Variants in EPHA5 observed in about 807,000 individuals in gnomAD.
EPHA5 encodes the protein EPH receptor A5.
A neutral mutation model predicts 105.0 loss-of-function variants in EPHA5; 60 were observed. The observed-to-expected ratio is 0.57, with a 90% CI of 0.46 to 0.71. The LOEUF (loss-of-function observed/expected upper bound fraction) is 0.71. EPHA5 is among the 30% of genes least tolerant of loss of function. The pLI, the probability that EPHA5 is intolerant of heterozygous loss-of-function variation, is 0.00. For missense variants in EPHA5, 1,218 were observed against 1,274.7 expected, an observed-to-expected ratio of 0.96 and a Z score of 0.68; for synonymous variants, 513 against 449.1, an observed-to-expected ratio of 1.14 and a Z score of -1.80.
At chr4:65,495,952 G>A (rs1302573674) in intron 3 of EPHA5, among the ~76,000 whole-genome samples, 1 of 152,090 alleles carries the variant, frequency 6.6e-6, no homozygotes, top group African/African-American at 2.4e-5. Flanking sequence ...ATACAAAGTA[G>A]GCACTCAAAA....
At chr4:65,467,990 C>T (rs1241346992) in intron 5 of EPHA5, among the ~76,000 whole-genome samples, 1 of 152,124 alleles carries the variant, frequency 6.6e-6, no homozygotes, top group Non-Finnish European at 1.5e-5. Context: ...GAATTATGCC[C>T]TAGAACCTCC....
chr4:65,516,445 G>C (rs1734111502), intron 3 of EPHA5, among the ~76,000 whole-genome samples: 2 of 150,700 alleles, frequency 1.3e-5, no homozygotes, highest in Admixed American at 1.3e-4. Context: ...AGGAAGAGGA[G>C]AATGTTGCCT....
rs11346784 is a variant in EPHA5, at chr4:65,411,231, T to TA, written c.1687+3052dup. Among the ~76,000 whole-genome samples, 254 of 151,238 alleles carry TA rather than the reference T, an allele frequency of 1.7e-3. 2 individuals carry two copies. The highest frequency in any genetic ancestry group is 6.0e-3 in the African/African-American group (246 of 41,308). Reference sequence around the variant, plus strand: ...AAATCTTCATATTAAATAGTTTTTCTAAAAAAAAAGTTTTGCGTTTCCTGT... The same window carrying TA: ...AAATCTTCATATTAAATAGTTTTTCTAAAAAAAAAAGTTTTGCGTTTCCTGT... On this transcript the variant is annotated intron_variant, in intron 7 of 16. Transcript: ENST00000613740.
At chr4:65,458,601 T>A (rs1035730370) in intron 5 of EPHA5, among the ~76,000 whole-genome samples, 5 of 152,150 alleles carry the variant, frequency 3.3e-5, no homozygotes, top group Non-Finnish European at 7.4e-5. Context: ...ATAAACCTAC[T>A]TTTAACTTTA....
intron 2 of EPHA5, among the ~76,000 whole-genome samples, chr4:65,628,435 A>C (rs1560792761): frequency 6.6e-6 from 1 of 152,016 alleles, no homozygotes; most frequent in East Asian, 1.9e-4. Context: ...GCTACCTTTA[A>C]CCTTCCAGGA....
At chr4:65,585,582 A>G (rs1742040571) in intron 3 of EPHA5, among the ~76,000 whole-genome samples, 1 of 151,964 alleles carries the variant, frequency 6.6e-6, no homozygotes, top group African/African-American at 2.4e-5. Context: ...AAATAAAACA[A>G]CATCTTTTTG....
intron 5 of EPHA5, among the ~76,000 whole-genome samples, chr4:65,427,301 C>G (rs1424083482): frequency 6.6e-6 from 1 of 150,686 alleles, no homozygotes; most frequent in Non-Finnish European, 1.5e-5. Flanking sequence ...TCTCCTGCCT[C>G]AGCCTCCCGA....
chr4:65,604,742 C>A (rs1308820678), intron 2 of EPHA5, among the ~76,000 whole-genome samples: 4 of 147,196 alleles, frequency 2.7e-5, no homozygotes, highest in Non-Finnish European at 6.0e-5. Context: ...AAAAAAAAAA[C>A]CAAGAGGATG....
chr4:65,361,202 G>T (rs1717278054), intron 11 of EPHA5, among the ~76,000 whole-genome samples: 1 of 151,560 alleles, frequency 6.6e-6, no homozygotes, highest in African/African-American at 2.4e-5. Context: ...CCTACTTTAT[G>T]CCAGGCAGGC....
chr4:65,560,253 A>G (rs2149355826), intron 3 of EPHA5, among the ~76,000 whole-genome samples: 1 of 152,252 alleles, frequency 6.6e-6, no homozygotes, highest in East Asian at 1.9e-4. Flanking sequence ...GGAATTTCTG[A>G]AGGAAAATTG....
chr4:65,320,324 T>TCA lies in EPHA5; in HGVS notation c.*3789_*3790insTG, dbSNP rs1719541322. ...GCTAGCATTTTGATTCCATTTATTC[T>TCA]TCATCATCATCATCATCATCATCAT... On this transcript the variant is annotated 3_prime_UTR_variant, in exon 17 of 17. Transcript: ENST00000613740. 3 of 228,002 alleles carry TCA rather than the reference T, an allele frequency of 1.3e-5. No individual in the cohort carries two copies. The highest frequency in any genetic ancestry group is 1.7e-5 in the Non-Finnish European group (2 of 114,962). The allele number at this position is 228,002 out of a possible 1,614,324, so 14.1% of individuals were successfully genotyped here.
At chr4:65,391,787 A>C (rs77737375) in intron 8 of EPHA5, among the ~76,000 whole-genome samples, 1 of 152,238 alleles carries the variant, frequency 6.6e-6, no homozygotes, top group African/African-American at 2.4e-5. Flanking sequence ...TTAGACAAAA[A>C]GTGTATTTTG....
chr4:65,403,746 T>C (rs1445095319), intron 8 of EPHA5, among the ~76,000 whole-genome samples: 2 of 152,220 alleles, frequency 1.3e-5, no homozygotes, highest in South Asian at 4.1e-4. Context: ...ATGAAAAATG[T>C]AGATATGTAA....
intron 2 of EPHA5, among the ~76,000 whole-genome samples, chr4:65,619,254 CAATTT>C (rs1745506977): frequency 1.3e-5 from 2 of 152,120 alleles, no homozygotes. Flanking sequence ...CTATAATAAA[CAATTT>C]AATATTCCCT....
chr4:65,534,963 TATC>T (rs946516062), intron 3 of EPHA5, among the ~76,000 whole-genome samples: 4 of 152,318 alleles, frequency 2.6e-5, no homozygotes, highest in African/African-American at 9.6e-5. Context: ...TAAAATATGT[TATC>T]ATATTTCTTA....
At chr4:65,654,189 C>G (rs529755052) in intron 1 of EPHA5, among the ~76,000 whole-genome samples, 1 of 151,358 alleles carries the variant, frequency 6.6e-6, no homozygotes, top group Non-Finnish European at 1.5e-5. Context: ...ACACAGACTT[C>G]TGTCTTCATA....
At chr4:65,430,628 C>A (rs1009479426) in intron 5 of EPHA5, among the ~76,000 whole-genome samples, 1 of 151,992 alleles carries the variant, frequency 6.6e-6, no homozygotes, top group Non-Finnish European at 1.5e-5. Flanking sequence ...AAACTATTAT[C>A]GTCCCTTTTT....
At chr4:65,410,127 T>C (rs1353000286) in intron 7 of EPHA5, among the ~76,000 whole-genome samples, 1 of 152,230 alleles carries the variant, frequency 6.6e-6, no homozygotes, top group Non-Finnish European at 1.5e-5. Context: ...ACAGTATCTT[T>C]ATTTGTGATA....
intron 8 of EPHA5, among the ~76,000 whole-genome samples, chr4:65,394,567 C>T (rs1196699006): frequency 2.0e-5 from 3 of 151,976 alleles, no homozygotes; most frequent in Non-Finnish European, 4.4e-5. Context: ...TTAGTATGCT[C>T]AATTGAGAGA....
Sources: allele counts gnomAD v4.1 joint callset (sites outside exome capture counted in the v4.1 genomes callset), GRCh38; gene constraint gnomAD v4.1.1; transcripts MANE v1.5; gene names NCBI Gene and HGNC (gene_info 2026-07-23, HGNC 2026-07-21).